Variants in FBXL20 observed in about 807,000 individuals in gnomAD.
FBXL20 encodes F-box/LRR-repeat protein 20.
In FBXL20, 11 loss-of-function variants were observed where a neutral mutation model predicts 64.0. The ratio of observed to expected loss-of-function variants is 0.17; its 90% CI spans 0.11 to 0.28. FBXL20 has a LOEUF of 0.28. FBXL20 is among the 10% of genes least tolerant of loss of function. The pLI is 1.00. For synonymous variants in FBXL20, 184 were observed against 189.0 expected, an observed-to-expected ratio of 0.97 and a Z score of 0.22; for missense variants, 303 against 526.2, an observed-to-expected ratio of 0.58 and a Z score of 4.15.
At chr17:39,286,592 A>T (rs1300789685) in intron 6 of FBXL20, among the ~76,000 whole-genome samples, 2 of 152,092 alleles carry the variant, frequency 1.3e-5, no homozygotes, top group Non-Finnish European at 2.9e-5. Context: ...TGAGGTCAGG[A>T]GTTCTAGACC....
At chr17:39,304,607 T>C (rs1461989831) in intron 2 of FBXL20, among the ~76,000 whole-genome samples, 1 of 151,966 alleles carries the variant, frequency 6.6e-6, no homozygotes, top group Non-Finnish European at 1.5e-5. Context: ...ATTTTTTTAT[T>C]TGAAACAAGG....
chr17:39,318,113 T>C (rs1597794741), intron 2 of FBXL20, among the ~76,000 whole-genome samples: 2 of 152,278 alleles, frequency 1.3e-5, no homozygotes, highest in Non-Finnish European at 2.9e-5. Context: ...AAAATTCCTA[T>C]GATAGCTTTA....
At chr17:39,317,059 C>T (rs1367141045) in intron 2 of FBXL20, among the ~76,000 whole-genome samples, 4 of 152,180 alleles carry the variant, frequency 2.6e-5, no homozygotes, top group Non-Finnish European at 4.4e-5. Context: ...AATTTAATAT[C>T]TTAGAAGATA....
chr17:39,301,591 G>C (rs949573594), intron 3 of FBXL20, among the ~76,000 whole-genome samples: 3 of 152,154 alleles, frequency 2.0e-5, no homozygotes, highest in African/African-American at 7.2e-5. Context: ...AGCCGGGTGT[G>C]GTGGCACGTG....
intron 2 of FBXL20, among the ~76,000 whole-genome samples, chr17:39,319,439 C>T (rs2047328810): frequency 6.6e-6 from 1 of 152,100 alleles, no homozygotes; most frequent in South Asian, 2.1e-4. Flanking sequence ...GTAATCCCAA[C>T]ACTTTGGGAG....
chr17:39,400,607 T>C (rs181908765), intron 1 of FBXL20, among the ~76,000 whole-genome samples: 139 of 152,270 alleles, frequency 9.1e-4, no homozygotes, highest in Non-Finnish European at 1.7e-3. Flanking sequence ...ATCTCTTCCT[T>C]GCAAGATGAC....
At chr17:39,399,568 T>C (rs2048220579) in intron 1 of FBXL20, among the ~76,000 whole-genome samples, 1 of 152,170 alleles carries the variant, frequency 6.6e-6, no homozygotes, top group Admixed American at 6.5e-5. Flanking sequence ...TAGCTTTTAG[T>C]TTATAAACAA....
intron 2 of FBXL20, among the ~76,000 whole-genome samples, chr17:39,315,816 TGA>T (rs1350670159): frequency 2.3e-4 from 14 of 61,290 alleles, no homozygotes; most frequent in African/African-American, 6.2e-5. Context: ...TGAGAGAGAG[TGA>T]GAGAGAGAGA....
rs112364758 is a variant in FBXL20, at chr17:39,313,871, G to A, written c.105-10232C>T. ...GCTGGTCTCCAACTCCCGACCTCAA[G>A]TGATCTGCCCACCTTGGCCTCTCAA... On this transcript the variant is annotated intron_variant, in intron 2 of 14. Coordinates refer to ENST00000264658, the MANE Select transcript of FBXL20 (RefSeq NM_032875.3). Among the ~76,000 whole-genome samples, 48 of 152,288 alleles carry A rather than the reference G, an allele frequency of 3.2e-4. 1 individual carries two copies. Among genetic ancestry groups the A allele is most frequent in the Middle Eastern group, 3.4e-3 (1 of 294 alleles).
chr17:39,273,087 C>G (rs1355064354), intron 10 of FBXL20, among the ~76,000 whole-genome samples: 1 of 152,118 alleles, frequency 6.6e-6, no homozygotes, highest in Non-Finnish European at 1.5e-5. Context: ...GCCACCCAGG[C>G]TGGGAGTGCA....
chr17:39,400,278 TA>T (rs376850051), intron 1 of FBXL20, among the ~76,000 whole-genome samples: 73 of 152,310 alleles, frequency 4.8e-4, no homozygotes, highest in African/African-American at 1.7e-3. Flanking sequence ...CCAGTTCGCA[TA>T]ATAAGAAATC....
chr17:39,314,263 C>A (rs1418772683), intron 2 of FBXL20, among the ~76,000 whole-genome samples: 1 of 152,208 alleles, frequency 6.6e-6, no homozygotes. Context: ...ATTCATACTT[C>A]ATTCCTTTTT....
chr17:39,334,622 A>T (rs529160665), intron 2 of FBXL20, among the ~76,000 whole-genome samples: 1 of 152,308 alleles, frequency 6.6e-6, no homozygotes, highest in Admixed American at 6.5e-5. Flanking sequence ...AAAAAATGAG[A>T]AAAAAATTTC....
At chr17:39,285,114 C>G (rs2046977818) in intron 7 of FBXL20, among the ~76,000 whole-genome samples, 1 of 152,090 alleles carries the variant, frequency 6.6e-6, no homozygotes, top group Non-Finnish European at 1.5e-5. Context: ...CCATGTTGGC[C>G]AGGATGGTCT....
intron 1 of FBXL20, among the ~76,000 whole-genome samples, chr17:39,371,317 T>C (rs1023816452): frequency 7.9e-5 from 12 of 152,242 alleles, no homozygotes; most frequent in South Asian, 4.1e-4. Context: ...TCAAAACTTA[T>C]AGGCATGAGC....
intron 6 of FBXL20, among the ~76,000 whole-genome samples, chr17:39,289,142 G>A (rs953104279): frequency 1.3e-5 from 2 of 152,076 alleles, no homozygotes; most frequent in African/African-American, 4.8e-5. Context: ...CCAGCACATT[G>A]CCCTGATGAA....
chr17:39,308,896 G>T (rs1353650352), intron 2 of FBXL20, among the ~76,000 whole-genome samples: 1 of 151,842 alleles, frequency 6.6e-6, no homozygotes, highest in Non-Finnish European at 1.5e-5. Flanking sequence ...AGGTAGAGAG[G>T]AATACACCCA....
At chr17:39,309,350 GGATA>G (rs2047210807) in intron 2 of FBXL20, among the ~76,000 whole-genome samples, 1 of 151,972 alleles carries the variant, frequency 6.6e-6, no homozygotes, top group Non-Finnish European at 1.5e-5. Context: ...TAACAAACCT[GGATA>G]TATATATTTA....
At position 39,282,733 on chromosome 17, in the gene FBXL20, G is replaced by A. The variant is rs532621624; in HGVS notation, c.617C>T (p.Thr206Met). Residue 206 changes from threonine to methionine, a missense_variant, in exon 8 of 15, where the codon ACG becomes ATG. Physicochemically the swap from Thr to Met is moderately conservative, Grantham distance 81. This residue lies in a region of FBXL20 where 246 missense variants were observed against 422.6 expected (regional missense o/e 0.58). Coordinates refer to ENST00000264658, the MANE Select transcript of FBXL20 (RefSeq NM_032875.3). ...GAGCCCTACATGGAGTATTACCTGC[G>A]TGCAGCCTTTTAAGAATAAGGCCTT... ...GLKALFLKGC[T>M]QLEDEALKYI... The A allele has an allele frequency of 1.2e-5, 20 of 1,614,038 alleles. No individual in the cohort carries two copies. The highest frequency in any genetic ancestry group is 4.0e-5 in the African/African-American group (3 of 75,002).
Sources: allele counts gnomAD v4.1 joint callset (sites outside exome capture counted in the v4.1 genomes callset), GRCh38; gene constraint gnomAD v4.1.1; regional missense constraint gnomAD v4.1.1; transcripts MANE v1.5; gene names NCBI Gene and HGNC (gene_info 2026-07-23, HGNC 2026-07-21).